Variants in INPP4B observed in about 807,000 individuals in gnomAD.
INPP4B encodes inositol polyphosphate 4-phosphatase type II.
Under a neutral mutation model 122.5 loss-of-function variants are expected in INPP4B, and 55 were observed. The observed-to-expected ratio is 0.45, with a 90% CI of 0.36 to 0.56. The LOEUF (loss-of-function observed/expected upper bound fraction) is 0.56, where lower values mean the gene tolerates loss of function less well. Ranked by LOEUF, INPP4B falls within the 20% of genes least tolerant of loss-of-function variation. The pLI is 0.00. For missense variants in INPP4B, 1,000 were observed against 1,097.7 expected (o/e 0.91, Z 1.26); for synonymous variants, 403 against 388.7 (o/e 1.04, Z -0.43).
chr4:142,598,734 T>C (rs1350864882), intron 2 of INPP4B, among the ~76,000 whole-genome samples: 3 of 152,178 alleles, frequency 2.0e-5, no homozygotes. Context: ...ACAACTTTTG[T>C]GCTTGGCCTT....
At chr4:142,223,121 G>T (rs1349304512) in intron 12 of INPP4B, among the ~76,000 whole-genome samples, 2 of 152,024 alleles carry the variant, frequency 1.3e-5, no homozygotes, top group African/African-American at 4.8e-5. Flanking sequence ...ATTGGGCCAT[G>T]TCATATAGCT....
At chr4:142,224,079 C>G (rs1053923748) in intron 12 of INPP4B, among the ~76,000 whole-genome samples, 1 of 152,128 alleles carries the variant, frequency 6.6e-6, no homozygotes, top group Non-Finnish European at 1.5e-5. Context: ...CCAAAATGCA[C>G]GTGCTTCAGC....
At chr4:142,590,341 A>G (rs1165283701) in intron 2 of INPP4B, among the ~76,000 whole-genome samples, 2 of 152,212 alleles carry the variant, frequency 1.3e-5, no homozygotes, top group African/African-American at 4.8e-5. Flanking sequence ...AAATGTATAA[A>G]ACAACTTCAC....
At chr4:142,347,375 T>A (rs882004) in intron 7 of INPP4B, 83,722 of 263,416 alleles carry the variant, frequency 0.32, 15,531 homozygotes, top group South Asian at 0.39. Context: ...TCCAATTACC[T>A]GATTATTATT....
At chr4:142,313,967 C>T (rs1364930511) in intron 8 of INPP4B, among the ~76,000 whole-genome samples, 1 of 152,160 alleles carries the variant, frequency 6.6e-6, no homozygotes, top group Non-Finnish European at 1.5e-5. Context: ...GCCCTACACA[C>T]TGACTGGAAG....
intron 1 of INPP4B, among the ~76,000 whole-genome samples, chr4:142,735,666 C>A (rs1766752388): frequency 1.3e-5 from 2 of 152,236 alleles, no homozygotes; most frequent in South Asian, 4.2e-4. Flanking sequence ...TGCCTCAGTT[C>A]TTTCCACATG....
chr4:142,339,791 A>T (rs2151670570), intron 7 of INPP4B, among the ~76,000 whole-genome samples: 1 of 152,284 alleles, frequency 6.6e-6, no homozygotes, highest in African/African-American at 2.4e-5. Context: ...TAAGAAAAAA[A>T]GGCAGTTTTG....
At chr4:142,759,438 T>C (rs1255442324) in intron 1 of INPP4B, among the ~76,000 whole-genome samples, 1 of 152,122 alleles carries the variant, frequency 6.6e-6, no homozygotes, top group Non-Finnish European at 1.5e-5. Context: ...AGAGAACTAG[T>C]CCAAATCCTT....
At chr4:142,558,208 C>T (rs1729632120) in intron 2 of INPP4B, among the ~76,000 whole-genome samples, 1 of 152,174 alleles carries the variant, frequency 6.6e-6, no homozygotes. Context: ...AAAACCTTGA[C>T]CGCTAGATTT....
At chr4:142,060,479 A>G (rs1007162053) in intron 25 of INPP4B, among the ~76,000 whole-genome samples, 2 of 152,348 alleles carry the variant, frequency 1.3e-5, no homozygotes, top group Middle Eastern at 6.8e-3. Context: ...TCCTTTAAAA[A>G]GGTCATGCAT....
rs563550298 is a variant in INPP4B at position 142,115,693 on chromosome 4, GC to G, written c.2136-3012del. On this transcript the variant is annotated intron_variant, in intron 21 of 25. Transcript: ENST00000262992. ...ACGTGGAAAGGAACAACTGGTAGCA[GC>G]CCCTGCAAAAACAGTGCAAATTATA... is the stretch of plus-strand genomic sequence containing the variant. 3.3e-5 allele frequency among the ~76,000 whole-genome samples: 5 copies of G among 152,272 alleles called. 1 individual carries two copies. In the South Asian group the frequency reaches 1.0e-3, roughly 32 times the overall value.
rs368236723 is a variant in INPP4B, at chr4:142,523,191, G to A, written c.-190-60465C>T. Among the ~76,000 whole-genome samples the A allele has an allele frequency of 7.9e-5, 12 of 152,034 alleles. 1 individual carries two copies. The highest frequency in any genetic ancestry group is 3.9e-4 in the Admixed American group (6 of 15,242). ...CAATTACTGAAAATTTATTACAAAC[G>A]CAAATACAAACCCCAGACCTACTAA... is the stretch of plus-strand genomic sequence containing the variant. On this transcript the variant is annotated intron_variant, in intron 2 of 25. Transcript: ENST00000262992.
intron 2 of INPP4B, among the ~76,000 whole-genome samples, chr4:142,552,825 T>C (rs10049686): frequency 0.98 from 149,767 of 152,296 alleles, 73,690 homozygotes; most frequent in East Asian, 1. Flanking sequence ...GGGCAAGTTA[T>C]TTGCCCAAAG....
chr4:142,483,499 C>G (rs1820836410), intron 2 of INPP4B, among the ~76,000 whole-genome samples: 1 of 151,962 alleles, frequency 6.6e-6, no homozygotes, highest in African/African-American at 2.4e-5. Flanking sequence ...ATTTTTGCAT[C>G]ATAGTTTCTC....
At chr4:142,711,174 A>G (rs1390123583) in intron 2 of INPP4B, among the ~76,000 whole-genome samples, 1 of 152,208 alleles carries the variant, frequency 6.6e-6, no homozygotes, top group Non-Finnish European at 1.5e-5. Flanking sequence ...TCCTTTTATC[A>G]AAACCACTCT....
At position 142,212,223 on chromosome 4, in the gene INPP4B, A is replaced by T. The variant is rs538164574; in HGVS notation, c.837-3197T>A. Among the ~76,000 whole-genome samples the T allele has an allele frequency of 2.6e-5, 4 of 152,224 alleles. No individual in the cohort carries two copies. The South Asian group carries it at 8.3e-4, about 32-fold the overall frequency. Reference sequence around the variant, plus strand: ...GGAGAGTTTAAGTACAGTCCTTTAGAGTGATGGCAATGTGCGATTCCCCAG... The same window carrying T: ...GGAGAGTTTAAGTACAGTCCTTTAGTGTGATGGCAATGTGCGATTCCCCAG... On this transcript the variant is annotated intron_variant, in intron 12 of 25. Coordinates refer to ENST00000262992, the MANE Select transcript of INPP4B (RefSeq NM_001101669.3).
At chr4:142,042,167 C>A (rs1237328004) in intron 25 of INPP4B, among the ~76,000 whole-genome samples, 1 of 152,178 alleles carries the variant, frequency 6.6e-6, no homozygotes, top group Non-Finnish European at 1.5e-5. Flanking sequence ...ACCATGCTTG[C>A]CCCTCTATTA....
chr4:142,774,883 A>G (rs1773619065), intron 1 of INPP4B, among the ~76,000 whole-genome samples: 1 of 152,062 alleles, frequency 6.6e-6, no homozygotes, highest in Admixed American at 6.6e-5. Flanking sequence ...TATATTAACT[A>G]AAGTTCATAC....
At chr4:142,155,856 G>A (rs1304774646) in intron 17 of INPP4B, among the ~76,000 whole-genome samples, 3 of 151,420 alleles carry the variant, frequency 2.0e-5, no homozygotes, top group Admixed American at 2.0e-4. Flanking sequence ...GTTATCTATG[G>A]AGTCTATTAA....
Sources: gnomAD v4.1 joint callset for allele counts (sites outside exome capture counted in the v4.1 genomes callset) on GRCh38, gnomAD v4.1.1 for gene constraint, MANE v1.5 for transcripts, NCBI Gene and HGNC (gene_info 2026-07-23, HGNC 2026-07-21) for gene names.